SHISA9: variants seen among roughly 807,000 people sequenced by gnomAD.
The protein encoded by SHISA9 is shisa family member 9, also known as protein shisa-9.
A neutral mutation model predicts 38.0 loss-of-function variants in SHISA9; 13 were observed. That is an observed-to-expected ratio of 0.34 (90% CI 0.22 to 0.54). SHISA9 has a LOEUF of 0.54. Among genes scored for constraint, SHISA9 ranks in the 20% least tolerant of loss-of-function variants. The pLI, the probability that SHISA9 is intolerant of heterozygous loss-of-function variation, is 0.91. For missense variants in SHISA9, 538 were observed against 575.8 expected, an observed-to-expected ratio of 0.93 and a Z score of 0.67; for synonymous variants, 275 against 242.0, an observed-to-expected ratio of 1.14 and a Z score of -1.27.
chr16:13,259,201 G>T, the SHISA9 span, among the ~76,000 whole-genome samples: 1 of 152,168 alleles, frequency 6.6e-6, no homozygotes, highest in African/African-American at 2.4e-5. Context: ...AAATCCAGTG[G>T]GGCAGTCAAA....
At chr16:13,456,680 A>T in the SHISA9 span, among the ~76,000 whole-genome samples, 1 of 152,210 alleles carries the variant, frequency 6.6e-6, no homozygotes, top group Admixed American at 6.5e-5. Flanking sequence ...GCTTTAGGCC[A>T]TACGTTATCA....
Position 13,008,658 on chromosome 16 carries a change from CCTCCCTTCCTCCCTCCCTCCCTCT to C in SHISA9, c.691+91847_691+91870del, listed in dbSNP as rs1452530184. ...TCCTCCCTCCCTCCCTCCCTCCCTC[CCTCCCTTCCTCCCTCCCTCCCTCT>C]CTCTCTCTCTCTTTCCTGGCACCTT... is the stretch of plus-strand genomic sequence containing the variant. On this transcript the variant is annotated intron_variant, in intron 2 of 4. Transcript: ENST00000558583. 1.7e-3 allele frequency among the ~76,000 whole-genome samples: 116 copies of C among 69,938 alleles called. 5 individuals are homozygous for C. The highest frequency in any genetic ancestry group is 2.7e-3 in the Non-Finnish European group (97 of 36,366). 45.9% of individuals were successfully genotyped at this position (69,938 alleles called of 152,430 possible).
At chr16:13,551,003 A>G in the SHISA9 span, among the ~76,000 whole-genome samples, 24 of 152,202 alleles carry the variant, frequency 1.6e-4, no homozygotes, top group East Asian at 2.9e-3. Flanking sequence ...GGTGCCTGTA[A>G]TCCCAGCTAC....
chr16:12,916,481 A>G (rs1384275935), intron 1 of SHISA9, among the ~76,000 whole-genome samples: 1 of 152,216 alleles, frequency 6.6e-6, no homozygotes, highest in African/African-American at 2.4e-5. Context: ...TGAGAAGCAT[A>G]TGCAGTAGCC....
chr16:13,350,728 T>C, the SHISA9 span: 7 of 152,314 alleles, frequency 4.6e-5, no homozygotes, highest in Admixed American at 3.3e-4. Context: ...CCTAAGCTGC[T>C]TTTTTCAAAG....
At chr16:13,444,658 C>T in the SHISA9 span, among the ~76,000 whole-genome samples, 2 of 152,276 alleles carry the variant, frequency 1.3e-5, no homozygotes, top group Admixed American at 6.5e-5. Context: ...CTCATCTCTA[C>T]ACCTTTGCAA....
chr16:13,213,792 G>C (rs561815575), intron 4 of SHISA9, among the ~76,000 whole-genome samples: 2 of 152,184 alleles, frequency 1.3e-5, no homozygotes, highest in African/African-American at 2.4e-5. Flanking sequence ...GAGAGGGTTA[G>C]GAAGTTGGTC....
At chr16:13,064,964 C>T (rs1326435049) in intron 2 of SHISA9, among the ~76,000 whole-genome samples, 2 of 152,140 alleles carry the variant, frequency 1.3e-5, no homozygotes, top group Non-Finnish European at 2.9e-5. Context: ...TCACAAACTG[C>T]ATTCCTCCTT....
At chr16:13,244,660 G>A (rs1172974008), downstream of SHISA9, among the ~76,000 whole-genome samples, 1 of 152,170 alleles carries the variant, frequency 6.6e-6, no homozygotes, top group African/African-American at 2.4e-5. Context: ...GTTTAGTACT[G>A]AGGGAGTCAA....
chr16:13,234,922 T>G, intron 4 of SHISA9, 108 bp from the exon 5 acceptor site: 1 of 1,349,804 alleles, frequency 7.4e-7, no homozygotes, highest in African/African-American at 1.5e-5. Flanking sequence ...TTGGCCCATT[T>G]TTATGCTGTT....
the SHISA9 span, among the ~76,000 whole-genome samples, chr16:13,489,608 G>C: frequency 6.6e-6 from 1 of 152,230 alleles, no homozygotes; most frequent in Middle Eastern, 3.4e-3. Flanking sequence ...GTTATAAGTG[G>C]TTTCCCCTTT....
At chr16:13,519,125 T>A in the SHISA9 span, among the ~76,000 whole-genome samples, 2 of 152,142 alleles carry the variant, frequency 1.3e-5, no homozygotes, top group East Asian at 1.9e-4. Context: ...AACCTCTAAA[T>A]TTTTCAAAAT....
chr16:13,557,123 G>A, the SHISA9 span, among the ~76,000 whole-genome samples: 1 of 152,130 alleles, frequency 6.6e-6, no homozygotes, highest in Non-Finnish European at 1.5e-5. Flanking sequence ...AATAATCAAT[G>A]AAGAATAAGT....
chr16:13,497,724 CA>C, the SHISA9 span, among the ~76,000 whole-genome samples: 1 of 148,346 alleles, frequency 6.7e-6, no homozygotes, highest in South Asian at 2.2e-4. Flanking sequence ...AAGAAGAGGA[CA>C]AATTAAAATT....
the SHISA9 span, among the ~76,000 whole-genome samples, chr16:13,470,551 A>G: frequency 6.6e-6 from 1 of 152,168 alleles, no homozygotes; most frequent in Non-Finnish European, 1.5e-5. Context: ...CATAAAACCA[A>G]CAGATCTCAT....
the SHISA9 span, among the ~76,000 whole-genome samples, chr16:13,268,633 G>A: frequency 6.6e-6 from 1 of 152,166 alleles, no homozygotes; most frequent in Non-Finnish European, 1.5e-5. Flanking sequence ...AGTGTTAATG[G>A]TCTTGTTCTC....
At chr16:13,268,958 G>A in the SHISA9 span, among the ~76,000 whole-genome samples, 127 of 152,214 alleles carry the variant, frequency 8.3e-4, no homozygotes, top group African/African-American at 3.0e-3. Context: ...AGTTAATTCA[G>A]GGTCTCAGTC....
chr16:12,993,203 G>T (rs1350959448), intron 2 of SHISA9, among the ~76,000 whole-genome samples: 1 of 148,550 alleles, frequency 6.7e-6, no homozygotes, highest in Non-Finnish European at 1.5e-5. Flanking sequence ...AAAAGGTTCA[G>T]ATTTGAAATA....
the SHISA9 span, among the ~76,000 whole-genome samples, chr16:13,495,099 A>G: frequency 2.6e-5 from 4 of 152,184 alleles, no homozygotes; most frequent in South Asian, 4.1e-4. Context: ...AAGGGGTAAC[A>G]TGGGGTACCT....
Sources: allele counts gnomAD v4.1 joint callset (sites outside exome capture counted in the v4.1 genomes callset), GRCh38; gene constraint gnomAD v4.1.1; transcripts MANE v1.5; gene names NCBI Gene and HGNC (gene_info 2026-07-23, HGNC 2026-07-21).